Variants in CARM1 observed in about 807,000 individuals in gnomAD.
CARM1 encodes coactivator associated arginine methyltransferase 1.
A neutral mutation model predicts 72.7 loss-of-function variants in CARM1; 14 were observed. The observed-to-expected ratio is 0.19, with a 90% CI of 0.13 to 0.30. CARM1 has a LOEUF of 0.30. Among genes scored for constraint, CARM1 ranks in the 10% least tolerant of loss-of-function variants. The pLI is 1.00. For synonymous variants in CARM1, 333 were observed against 345.5 expected (o/e 0.96, Z 0.40); for missense variants, 432 against 833.7 (o/e 0.52, Z 5.93).
chr19:10,909,267 C>A, intron 4 of CARM1, 60 bp downstream of exon 4: 3 of 1,062,866 alleles, frequency 2.8e-6, no homozygotes, highest in Non-Finnish European at 2.9e-6. Context: ...TTTTTCTTTG[C>A]TCATTGATTT....
chr19:10,871,978 C>G lies in CARM1; in HGVS notation c.220+56C>G, dbSNP rs2073822236. On this transcript the variant is annotated intron_variant, in intron 1 of 15. Transcript: ENST00000327064. This position sits in a 1 kb window ranked among gnomAD's most constrained non-coding sequence, Gnocchi z 5.6. ...GCCGGGGCTGCTCACGAGGCCGGCC[C>G]GGGGCGGGGGCCGGCGGGGAGGGGC... 1.3e-5 allele frequency: 15 copies of G among 1,155,102 alleles called. No individual in the cohort carries two copies. Among genetic ancestry groups the G allele is most frequent in the Admixed American group, 4.7e-5 (1 of 21,214 alleles). 71.6% of individuals were successfully genotyped at this position (1,155,102 alleles called of 1,614,324 possible).
intron 1 of CARM1, among the ~76,000 whole-genome samples, chr19:10,875,581 C>T (rs569916657): frequency 5.3e-5 from 8 of 152,114 alleles, no homozygotes; most frequent in South Asian, 2.1e-4. Context: ...CCCGCCACCA[C>T]GCCCGGCTAA....
rs147191857 is a variant in CARM1, at chr19:10,921,655, T to C, written c.1725T>C (p.Ser575=). ...AGGGCAGTGGTGGTGGCAGCACGAG[T>C]GCCCACTATGCAGTCAACAGCCAGT... The part of the protein sequence containing the change: ...GAQGSGGGST[S]AHYAVNSQFT... Residue 575 remains serine, a synonymous_variant, in exon 16 of 16, where the codon AGT becomes AGC. Coordinates refer to ENST00000327064, the MANE Select transcript of CARM1 (RefSeq NM_199141.2). 168 of 1,613,356 alleles carry C rather than the reference T, an allele frequency of 1.0e-4. 1 individual carries two copies. The African/African-American group carries it at 1.7e-3, about 17-fold the overall frequency.
Position 10,920,001 on chromosome 19 carries a change from C to G in CARM1, c.1196+35C>G. ...GCAGAGCAGCCCATGCTGCCTCCTCCCCACTCCCAGGGCTTCCTGCAGCTG... is the reference window on the plus strand; with the variant it reads ...GCAGAGCAGCCCATGCTGCCTCCTCGCCACTCCCAGGGCTTCCTGCAGCTG... On this transcript the variant is annotated intron_variant, in intron 10 of 15. Transcript: ENST00000327064. The surrounding 1 kb of genome is among the most constrained non-coding windows in gnomAD (Gnocchi z 5.3). 3.9e-6 allele frequency: 6 copies of G among 1,550,856 alleles called. No homozygotes were observed. Among genetic ancestry groups the G allele is most frequent in the Non-Finnish European group, 3.6e-6 (4 of 1,124,000 alleles).
intron 9 of CARM1, 21 bp from the exon 10 acceptor site, chr19:10,919,856 C>T (rs1437486500): frequency 1.9e-6 from 3 of 1,595,606 alleles, no homozygotes; most frequent in Non-Finnish European, 2.6e-6. Context: ...TCCCCAGCAG[C>T]CACTGCCCTT....
chr19:10,914,370 C>T (rs2074178746), intron 6 of CARM1, among the ~76,000 whole-genome samples: 1 of 152,202 alleles, frequency 6.6e-6, no homozygotes, highest in South Asian at 2.1e-4. Context: ...GGGACAGGTT[C>T]TGTGGTCAGC....
chr19:10,892,606 G>A (rs2073996084), intron 1 of CARM1, among the ~76,000 whole-genome samples: 2 of 152,242 alleles, frequency 1.3e-5, no homozygotes, highest in South Asian at 4.1e-4. Flanking sequence ...GCATTGATCT[G>A]TTGCTGATGA....
At chr19:10,918,876 G>C (rs1301066085) in intron 8 of CARM1, 1 of 152,194 alleles carries the variant, frequency 6.6e-6, no homozygotes, top group Non-Finnish European at 1.5e-5. Flanking sequence ...CGCTCTGGTT[G>C]GTCACCAGTG....
intron 1 of CARM1, among the ~76,000 whole-genome samples, chr19:10,886,103 C>A (rs1347204272): frequency 1.4e-5 from 2 of 147,388 alleles, no homozygotes; most frequent in Non-Finnish European, 3.0e-5. Context: ...GTTGCCCAGG[C>A]TGGAGTGCGA....
intron 1 of CARM1, among the ~76,000 whole-genome samples, chr19:10,885,931 C>T (rs992937285): frequency 2.1e-5 from 3 of 144,002 alleles, no homozygotes; most frequent in East Asian, 2.0e-4. Context: ...GGGAGTGCAG[C>T]GGTGTGAACA....
At chr19:10,885,304 G>T (rs1355388558) in intron 1 of CARM1, among the ~76,000 whole-genome samples, 1 of 151,868 alleles carries the variant, frequency 6.6e-6, no homozygotes, top group Non-Finnish European at 1.5e-5. Context: ...CTTCCTTTTT[G>T]TCTGTCTCTT....
At chr19:10,900,718 C>G (rs1292749529) in intron 1 of CARM1, among the ~76,000 whole-genome samples, 1 of 152,114 alleles carries the variant, frequency 6.6e-6, no homozygotes, top group Non-Finnish European at 1.5e-5. Flanking sequence ...GAGTCTGGCT[C>G]TGTCGCCCAG....
At position 10,919,895 on chromosome 19, in the gene CARM1, A is replaced by G. The variant is rs1253347876; in HGVS notation, c.1125A>G (p.Lys375=). Reference sequence around the variant, plus strand: ...CTTCCAGGATAGAAATCCCATTCAAATTCCACATGCTGCATTCAGGGCTGG... The same window carrying G: ...CTTCCAGGATAGAAATCCCATTCAAGTTCCACATGCTGCATTCAGGGCTGG... ...GDLHRIEIPF[K]FHMLHSGLVH... Residue 375 remains lysine, a synonymous_variant, in exon 10 of 16, where the codon AAA becomes AAG. Coordinates refer to ENST00000327064, the MANE Select transcript of CARM1 (RefSeq NM_199141.2). 2 of 1,613,960 alleles carry G rather than the reference A, an allele frequency of 1.2e-6. No homozygotes were observed. The highest frequency in any genetic ancestry group is 1.7e-6 in the Non-Finnish European group (2 of 1,179,936).
At chr19:10,872,130 A>G (rs556495359) in intron 1 of CARM1, among the ~76,000 whole-genome samples, 2 of 151,472 alleles carry the variant, frequency 1.3e-5, no homozygotes, top group African/African-American at 2.4e-5. Context: ...CGGAGGGGCA[A>G]GGTGCCCAGA....
In CARM1 at chr19:10,919,873, C is replaced by G. The variant is rs776462662; in HGVS notation, c.1107-4C>G. 2 of 1,612,830 alleles carry G rather than the reference C, an allele frequency of 1.2e-6. No individual in the cohort carries two copies. Among genetic ancestry groups the G allele is most frequent in the Non-Finnish European group, 1.7e-6 (2 of 1,178,742 alleles). On this transcript the variant is annotated splice_polypyrimidine_tract_variant and splice_region_variant and intron_variant, in intron 9 of 15. Coordinates refer to ENST00000327064, the MANE Select transcript of CARM1 (RefSeq NM_199141.2). The stretch of plus-strand genomic sequence containing the variant: ...CCCAGCAGCCACTGCCCTTTGCCTT[C>G]CAGGATAGAAATCCCATTCAAATTC...
intron 1 of CARM1, among the ~76,000 whole-genome samples, chr19:10,874,460 C>T (rs532951684): frequency 6.6e-6 from 1 of 151,660 alleles, no homozygotes; most frequent in Non-Finnish European, 1.5e-5. Flanking sequence ...GGTACAGTCT[C>T]AGTCTCAGCT....
intron 1 of CARM1, among the ~76,000 whole-genome samples, chr19:10,898,704 C>G (rs1055711969): frequency 5.9e-5 from 9 of 152,220 alleles, no homozygotes; most frequent in African/African-American, 1.9e-4. Flanking sequence ...GATGCCTGTG[C>G]GTCCCGGGCC....
intron 14 of CARM1, 103 bp from the exon 15 acceptor site, chr19:10,921,272 C>T (rs553955304): frequency 5.3e-5 from 78 of 1,479,724 alleles, no homozygotes; most frequent in Middle Eastern, 5.2e-4. Flanking sequence ...CGAGGCTCTC[C>T]GTCCTCTCTG....
Position 10,915,595 on chromosome 19 carries a change from C to T in CARM1, c.848-812C>T, listed in dbSNP as rs543317642. On this transcript the variant is annotated intron_variant, in intron 6 of 15. Transcript: ENST00000327064. The surrounding 1 kb of genome is among the most constrained non-coding windows in gnomAD (Gnocchi z 4.6). The stretch of plus-strand genomic sequence containing the variant: ...GCCGCAGCATGTGCATCTCCCTCCC[C>T]GTTCCAGCAGCTGCAGCCCTGCAGC... Among the ~76,000 whole-genome samples, 1 of 152,284 alleles carries T rather than the reference C, an allele frequency of 6.6e-6. No individual in the cohort carries two copies. Among genetic ancestry groups the T allele is most frequent in the East Asian group, 1.9e-4 (1 of 5,170 alleles).
Sources: allele counts gnomAD v4.1 joint callset (sites outside exome capture counted in the v4.1 genomes callset), GRCh38; gene constraint gnomAD v4.1.1; non-coding constraint Gnocchi (gnomAD v3.1); transcripts MANE v1.5; gene names NCBI Gene and HGNC (gene_info 2026-07-23, HGNC 2026-07-21).